DLGAP4: variants seen among roughly 807,000 people sequenced by gnomAD.
DLGAP4 encodes disks large-associated protein 4.
A neutral mutation model predicts 86.9 loss-of-function variants in DLGAP4; 18 were observed. The observed-to-expected ratio is 0.21, with a 90% CI of 0.14 to 0.31. DLGAP4 has a LOEUF of 0.31. Among genes scored for constraint, DLGAP4 ranks in the 10% least tolerant of loss-of-function variants. The pLI is 1.00. For synonymous variants in DLGAP4, 548 were observed against 574.3 expected (o/e 0.95, Z 0.65); for missense variants, 1,085 against 1,362.6 (o/e 0.80, Z 3.21).
At chr20:36,497,378 C>T (rs1207791767) in intron 8 of DLGAP4, 1 of 1,214,440 alleles carries the variant, frequency 8.2e-7, no homozygotes, top group Admixed American at 4.0e-5. Context: ...TCTGTCTGTC[C>T]ACTCCACCCT....
intron 10 of DLGAP4, among the ~76,000 whole-genome samples, chr20:36,505,903 G>A (rs1219897359): frequency 6.6e-6 from 1 of 152,190 alleles, no homozygotes; most frequent in Non-Finnish European, 1.5e-5. Flanking sequence ...TGGGGAAGAG[G>A]AGGAATGTTG....
At chr20:36,378,153 G>A (rs892214115) in intron 2 of DLGAP4, among the ~76,000 whole-genome samples, 1 of 152,308 alleles carries the variant, frequency 6.6e-6, no homozygotes, top group African/African-American at 2.4e-5. Context: ...ACACCTGGGT[G>A]TTACCCTACT....
At chr20:36,373,026 T>C (rs965040832) in intron 2 of DLGAP4, among the ~76,000 whole-genome samples, 1 of 152,130 alleles carries the variant, frequency 6.6e-6, no homozygotes, top group African/African-American at 2.4e-5. Flanking sequence ...AAAATATATA[T>C]AAACATATGC....
intron 2 of DLGAP4, among the ~76,000 whole-genome samples, chr20:36,427,419 A>G (rs1345544891): frequency 1.4e-5 from 2 of 142,850 alleles, no homozygotes; most frequent in African/African-American, 5.0e-5. Flanking sequence ...CAGAGGTTGC[A>G]GTGAGCTGAG....
chr20:36,503,218 C>T (rs1427971788), intron 10 of DLGAP4, among the ~76,000 whole-genome samples: 1 of 152,012 alleles, frequency 6.6e-6, no homozygotes, highest in Non-Finnish European at 1.5e-5. Context: ...CCTGTGATGG[C>T]TTTACTGAGA....
chr20:36,317,503 G>C (rs2065121411), intron 1 of DLGAP4, among the ~76,000 whole-genome samples: 1 of 138,676 alleles, frequency 7.2e-6, no homozygotes, highest in Admixed American at 7.5e-5. Flanking sequence ...GCCCAGGCCG[G>C]AGTACAGTGA....
rs2033133622 is a variant in DLGAP4, at chr20:36,431,673, C to CGGGGG, written c.-42_-41insGGGGG. The CGGGGG allele has an allele frequency of 3.3e-6, 5 of 1,522,404 alleles. No individual in the cohort carries two copies. The highest frequency in any genetic ancestry group is 4.4e-6 in the Non-Finnish European group (5 of 1,135,452). The allele number at this position is 1,522,404 out of a possible 1,614,324, so 94.3% of individuals were successfully genotyped here. A position where few individuals can be genotyped will look rare whatever the true frequency, so the allele number is the denominator to read the frequency against. ...TAGCTGCCGCCCGGGAGAGGTGACC[C>CGGGGG]GGGCGCCCTGCTAGGGTGAAGGCCC... On this transcript the variant is annotated 5_prime_UTR_variant, in exon 3 of 13. An upstream open reading frame in the 5' UTR loses its in-frame stop. Coordinates refer to ENST00000339266, the MANE Select transcript of DLGAP4 (RefSeq NM_001365621.2). The surrounding 1 kb of genome is among the most constrained non-coding windows in gnomAD (Gnocchi z 5.1).
intron 1 of DLGAP4, among the ~76,000 whole-genome samples, chr20:36,332,175 G>A (rs1290053765): frequency 3.3e-5 from 5 of 152,052 alleles, no homozygotes; most frequent in African/African-American, 4.8e-5. Context: ...TCATCTGGAC[G>A]GGATGGAGAG....
Position 36,432,614 on chromosome 20 carries a change from C to T in DLGAP4, c.897C>T (p.Leu299=). 1 of 1,612,166 alleles carries T rather than the reference C, an allele frequency of 6.2e-7. No individual in the cohort carries two copies. The highest frequency in any genetic ancestry group is 8.5e-7 in the Non-Finnish European group (1 of 1,179,346). The change falls in exon 3 of 13, where the codon CTC becomes CTT. Residue 299 remains leucine, a synonymous_variant. Coordinates refer to ENST00000339266, the MANE Select transcript of DLGAP4 (RefSeq NM_001365621.2). This position sits in a 1 kb window ranked among gnomAD's most constrained non-coding sequence, Gnocchi z 6.5. ...VKRGSWSTLT[L]SHAHEVCQKT... Reference sequence around the variant, plus strand: ...GGGGCTCCTGGTCCACTCTGACCCTCAGCCACGCCCACGAGGTCTGCCAGA... The same window carrying T: ...GGGGCTCCTGGTCCACTCTGACCCTTAGCCACGCCCACGAGGTCTGCCAGA...
chr20:36,333,547 G>A (rs1361034632), intron 1 of DLGAP4, among the ~76,000 whole-genome samples: 2 of 152,156 alleles, frequency 1.3e-5, no homozygotes, highest in Non-Finnish European at 2.9e-5. Context: ...TTATCCAGTG[G>A]ATGGCTTTGA....
intron 1 of DLGAP4, among the ~76,000 whole-genome samples, chr20:36,331,081 CT>C (rs2065262962): frequency 6.6e-6 from 1 of 152,232 alleles, no homozygotes; most frequent in Non-Finnish European, 1.5e-5. Context: ...CTCATCCCCC[CT>C]GGGGGCCTGT....
chr20:36,409,887 A>G (rs1258009648), intron 2 of DLGAP4, among the ~76,000 whole-genome samples: 1 of 151,386 alleles, frequency 6.6e-6, no homozygotes, highest in Non-Finnish European at 1.5e-5. Flanking sequence ...CAAAAAAATT[A>G]GCCGGGTATG....
At chr20:36,383,859 C>G (rs537765777) in intron 2 of DLGAP4, among the ~76,000 whole-genome samples, 7 of 152,006 alleles carry the variant, frequency 4.6e-5, no homozygotes, top group African/African-American at 1.7e-4. Context: ...CCTGTAGTCC[C>G]AGCTACTCGG....
chr20:36,404,927 G>A (rs1366715772), intron 2 of DLGAP4, among the ~76,000 whole-genome samples: 4 of 152,226 alleles, frequency 2.6e-5, no homozygotes, highest in African/African-American at 7.2e-5. Flanking sequence ...AGGCAGCTGC[G>A]GTCGAGGGGG....
At position 36,497,072 on chromosome 20, in the gene DLGAP4, G is replaced by A. The variant is rs2035918582; in HGVS notation, c.2010+6G>A. On this transcript the variant is annotated splice_donor_region_variant and intron_variant, in intron 8 of 12. Coordinates refer to ENST00000339266, the MANE Select transcript of DLGAP4 (RefSeq NM_001365621.2). ...TGTCATCGATAGGAATACAAGTAGG[G>A]GCTCCTTTTGCACTCTGTGTCCTCA... 1.3e-6 allele frequency: 2 copies of A among 1,584,140 alleles called. No homozygotes were observed. The highest frequency in any genetic ancestry group is 1.7e-6 in the Non-Finnish European group (2 of 1,162,978).
At chr20:36,386,653 T>G (rs576762817) in intron 2 of DLGAP4, among the ~76,000 whole-genome samples, 32 of 152,236 alleles carry the variant, frequency 2.1e-4, no homozygotes, top group African/African-American at 7.7e-4. Flanking sequence ...GGTGCAATCA[T>G]AGCTCACTAC....
chr20:36,484,800 G>A (rs1194398206), intron 7 of DLGAP4, among the ~76,000 whole-genome samples: 2 of 152,366 alleles, frequency 1.3e-5, no homozygotes, highest in African/African-American at 2.4e-5. Flanking sequence ...CAGCTGCTGC[G>A]GCAGTGATAG....
rs576354314 is a variant in DLGAP4, at chr20:36,325,904, GA to G, written c.-304+19393del. Reference sequence around the variant, plus strand: ...GGCTGATTTTTGTATTTTTAGTAGAGACAGGGTTTCACTATGTTGACCAGAC... The same window carrying G: ...GGCTGATTTTTGTATTTTTAGTAGAGCAGGGTTTCACTATGTTGACCAGAC... On this transcript the variant is annotated intron_variant, in intron 1 of 12. Coordinates refer to ENST00000339266, the MANE Select transcript of DLGAP4 (RefSeq NM_001365621.2). 7.0e-3 allele frequency among the ~76,000 whole-genome samples: 1,059 copies of G among 151,966 alleles called. 14 individuals carry two copies. The highest frequency in any genetic ancestry group is 0.024 in the African/African-American group (1,009 of 41,436).
Position 36,436,357 on chromosome 20 carries a change from G to A in DLGAP4, c.1241+7G>A. On this transcript the variant is annotated splice_region_variant and intron_variant, in intron 4 of 12. Coordinates refer to ENST00000339266, the MANE Select transcript of DLGAP4 (RefSeq NM_001365621.2). ...AGCAGAGCAACCCCCGCAGGTAGGCGCGCAGCTCCACCCTTACGGTCCCGC... is the reference window on the plus strand; with the variant it reads ...AGCAGAGCAACCCCCGCAGGTAGGCACGCAGCTCCACCCTTACGGTCCCGC... 6.3e-7 allele frequency: 1 copy of A among 1,588,340 alleles called. No individual in the cohort carries two copies.
Sources: gnomAD v4.1 joint callset for allele counts (sites outside exome capture counted in the v4.1 genomes callset) on GRCh38, gnomAD v4.1.1 for gene constraint, Gnocchi (gnomAD v3.1) non-coding constraint, MANE v1.5 for transcripts, NCBI Gene and HGNC (gene_info 2026-07-23, HGNC 2026-07-21) for gene names.